The following EXT1 variants were observed in gnomAD, a reference collection of about 807,000 sequenced individuals.
The protein encoded by EXT1 is exostosin-1.
Under a neutral mutation model 82.5 loss-of-function variants are expected in EXT1, and 20 were observed. That is an observed-to-expected ratio of 0.24 (90% CI 0.17 to 0.35). The LOEUF is 0.35. Ranked by LOEUF, EXT1 falls within the 10% of genes least tolerant of loss-of-function variation. The probability of loss-of-function intolerance (pLI) is 1.00; values close to 1 mark genes in which losing one functional copy is unlikely to be tolerated. For missense variants in EXT1, 757 were observed against 936.5 expected (o/e 0.81, Z 2.50); for synonymous variants, 348 against 350.8 (o/e 0.99, Z 0.09).
intron 8 of EXT1, among the ~76,000 whole-genome samples, chr8:117,808,618 C>T (rs1011755939): frequency 2.6e-5 from 4 of 152,152 alleles, no homozygotes; most frequent in East Asian, 1.9e-4. Context: ...TCATCTGTTT[C>T]GCAAATATTT....
intron 1 of EXT1, among the ~76,000 whole-genome samples, chr8:118,040,457 T>C (rs1586358769): frequency 6.6e-6 from 1 of 152,216 alleles, no homozygotes; most frequent in Admixed American, 6.5e-5. Context: ...CTTCCATAAA[T>C]TGGATAGCAA....
chr8:117,947,061 A>C (rs1275300899), intron 1 of EXT1, among the ~76,000 whole-genome samples: 1 of 152,164 alleles, frequency 6.6e-6, no homozygotes, highest in East Asian at 1.9e-4. Context: ...CTGTCTTGTT[A>C]AAAGGGACCA....
intron 1 of EXT1, among the ~76,000 whole-genome samples, chr8:118,015,170 T>A (rs1335730326): frequency 6.6e-6 from 1 of 152,188 alleles, no homozygotes; most frequent in African/African-American, 2.4e-5. Flanking sequence ...CAGTAAACAG[T>A]CTTTAAACTG....
At chr8:117,888,188 A>G (rs1413418689) in intron 1 of EXT1, among the ~76,000 whole-genome samples, 1 of 151,976 alleles carries the variant, frequency 6.6e-6, no homozygotes, top group Non-Finnish European at 1.5e-5. Context: ...AAGTCTGCAG[A>G]CTTGCAGAAC....
intron 1 of EXT1, among the ~76,000 whole-genome samples, chr8:117,937,504 G>GC (rs1291708493): frequency 6.6e-6 from 1 of 152,144 alleles, no homozygotes; most frequent in Non-Finnish European, 1.5e-5. Context: ...TCTTCATCCT[G>GC]CCCCCTCCCT....
intron 5 of EXT1, among the ~76,000 whole-genome samples, chr8:117,821,046 AG>A (rs1811916800): frequency 6.6e-6 from 1 of 152,192 alleles, no homozygotes; most frequent in Non-Finnish European, 1.5e-5. Flanking sequence ...ACAGGTTAAG[AG>A]CCTTTTAAAA....
intron 1 of EXT1, among the ~76,000 whole-genome samples, chr8:117,873,650 T>G (rs1456995928): frequency 1.3e-5 from 2 of 152,018 alleles, no homozygotes; most frequent in Admixed American, 6.6e-5. Context: ...GAGACAGGGT[T>G]TTGCCATGTT....
chr8:117,829,331 GC>G (rs1162725275), intron 4 of EXT1, among the ~76,000 whole-genome samples: 1 of 151,796 alleles, frequency 6.6e-6, no homozygotes, highest in Non-Finnish European at 1.5e-5. Flanking sequence ...GAGGACGGGC[GC>G]CCATCTGCCT....
intron 1 of EXT1, among the ~76,000 whole-genome samples, chr8:117,963,442 G>A (rs1401584785): frequency 1.3e-5 from 2 of 151,930 alleles, no homozygotes; most frequent in African/African-American, 4.8e-5. Flanking sequence ...TTTTGAACAC[G>A]GCGCCTTCTC....
Position 117,798,257 on chromosome 8 carries a change from G to A in EXT1, c.*1455C>T, listed in dbSNP as rs755847029. 6.6e-6 allele frequency: 1 copy of A among 152,166 alleles called. No homozygotes were observed. Among genetic ancestry groups the A allele is most frequent in the African/African-American group, 2.4e-5 (1 of 41,442 alleles). 9.4% of individuals were successfully genotyped at this position (152,166 alleles called of 1,614,324 possible). A position where few individuals can be genotyped will look rare whatever the true frequency, so the allele number is the denominator to read the frequency against. ...GAAATGTATGAGAGTTTGAGGGAGGGACTCTAAAGTGCTTATTGTTTATTC... is the reference window on the plus strand; with the variant it reads ...GAAATGTATGAGAGTTTGAGGGAGGAACTCTAAAGTGCTTATTGTTTATTC... On this transcript the variant is annotated 3_prime_UTR_variant, in exon 11 of 11. Transcript: ENST00000378204.
At chr8:118,056,065 G>A (rs28720704) in intron 1 of EXT1, among the ~76,000 whole-genome samples, 229 of 135,696 alleles carry the variant, frequency 1.7e-3, no homozygotes, top group Non-Finnish European at 2.4e-3. Flanking sequence ...TGTGATAGCT[G>A]ATGAGCTAGG....
intron 1 of EXT1, among the ~76,000 whole-genome samples, chr8:117,940,760 C>G (rs1257312788): frequency 6.6e-6 from 1 of 152,170 alleles, no homozygotes; most frequent in Non-Finnish European, 1.5e-5. Flanking sequence ...CTGTCTGGGT[C>G]TTGAAGGATC....
At chr8:117,871,732 G>C (rs974150767) in intron 1 of EXT1, among the ~76,000 whole-genome samples, 2 of 152,150 alleles carry the variant, frequency 1.3e-5, no homozygotes, top group Admixed American at 6.6e-5. Context: ...GTGAGACAGA[G>C]GGGTCATCAG....
chr8:118,072,585 A>G (rs1481627304), intron 1 of EXT1, among the ~76,000 whole-genome samples: 1 of 152,218 alleles, frequency 6.6e-6, no homozygotes, highest in African/African-American at 2.4e-5. Flanking sequence ...TTTGCAGTGG[A>G]AGTTTTACTT....
At chr8:117,833,155 G>C (rs898262766) in intron 3 of EXT1, among the ~76,000 whole-genome samples, 1 of 152,150 alleles carries the variant, frequency 6.6e-6, no homozygotes, top group African/African-American at 2.4e-5. Context: ...ATAGTACACA[G>C]TTGCTGCTCA....
At chr8:117,907,394 C>T (rs1813562801) in intron 1 of EXT1, among the ~76,000 whole-genome samples, 1 of 152,176 alleles carries the variant, frequency 6.6e-6, no homozygotes, top group Non-Finnish European at 1.5e-5. Context: ...GAACAATCGA[C>T]AAAGCCTCTA....
chr8:117,992,318 T>A (rs1020830028), intron 1 of EXT1, among the ~76,000 whole-genome samples: 1 of 151,990 alleles, frequency 6.6e-6, no homozygotes, highest in South Asian at 2.1e-4. Flanking sequence ...CTCTTCCTTA[T>A]GCTATTGTAA....
intron 1 of EXT1, among the ~76,000 whole-genome samples, chr8:117,843,413 T>C (rs958793831): frequency 6.6e-6 from 1 of 152,168 alleles, no homozygotes; most frequent in African/African-American, 2.4e-5. Context: ...GGAGGCCTCC[T>C]GGAGGAAGTG....
intron 8 of EXT1, among the ~76,000 whole-genome samples, chr8:117,810,969 C>T (rs972107955): frequency 3.3e-5 from 5 of 152,172 alleles, no homozygotes; most frequent in African/African-American, 1.2e-4. Flanking sequence ...GCCTCTCCAT[C>T]CTAGTGCCAT....
Sources: gnomAD v4.1 joint callset for allele counts (sites outside exome capture counted in the v4.1 genomes callset) on GRCh38, gnomAD v4.1.1 for gene constraint, MANE v1.5 for transcripts, NCBI Gene and HGNC (gene_info 2026-07-23, HGNC 2026-07-21) for gene names.